The following SHROOM4 variants were observed in gnomAD, a reference collection of about 807,000 sequenced individuals.
SHROOM4 encodes protein Shroom4.
SHROOM4 carries 17 observed loss-of-function variants against 80.3 expected under a neutral mutation model. The ratio of observed to expected loss-of-function variants is 0.21; its 90% CI spans 0.14 to 0.32. The LOEUF (loss-of-function observed/expected upper bound fraction) is 0.32, where lower values mean the gene tolerates loss of function less well. Among genes scored for constraint, SHROOM4 ranks in the 10% least tolerant of loss-of-function variants. The pLI, the probability that SHROOM4 is intolerant of heterozygous loss-of-function variation, is 1.00. For synonymous variants in SHROOM4, 400 were observed against 437.5 expected (o/e 0.91, Z 1.07); for missense variants, 993 against 1,140.3 (o/e 0.87, Z 1.86).
rs782116746 is a variant in SHROOM4 at position 50,590,991 on chromosome X, G to T, written c.*5704C>A. On this transcript the variant is annotated 3_prime_UTR_variant, in exon 9 of 9. Transcript: ENST00000376020. Reference sequence around the variant, plus strand: ...ATTTCTTGTATCACTTGTGCAAATCGTCTTAACATTAGGAAGACTTATTAC... The same window carrying T: ...ATTTCTTGTATCACTTGTGCAAATCTTCTTAACATTAGGAAGACTTATTAC... Among the ~76,000 whole-genome samples the T allele has an allele frequency of 1.8e-5, 2 of 111,658 alleles. No homozygotes were observed. Among genetic ancestry groups the T allele is most frequent in the South Asian group, 7.5e-4 (2 of 2,671 alleles).
In SHROOM4 at chrX:50,598,482, C is replaced by T; in HGVS notation, c.3996G>A (p.Gln1332=). 8.3e-7 allele frequency: 1 copy of T among 1,207,167 alleles called. No individual in the cohort carries two copies. The highest frequency in any genetic ancestry group is 1.1e-6 in the Non-Finnish European group (1 of 893,117). ...CATTGATGTCCTCTAGCAGCCCTCG[C>T]TGGGCCTCCCGCAAGACAGAAAGTT... ...SRKLSVLREA[Q]RGLLEDINAN... is the part of the protein sequence containing the mutation. The change falls in exon 8 of 9, where the codon CAG becomes CAA. Residue 1332 remains glutamine (Q), a synonymous_variant. Coordinates refer to ENST00000376020, the MANE Select transcript of SHROOM4 (RefSeq NM_020717.5).
At chrX:50,698,331 C>CT (rs1491101379) in intron 1 of SHROOM4, among the ~76,000 whole-genome samples, 2 of 111,735 alleles carry the variant, frequency 1.8e-5, no homozygotes, top group South Asian at 3.8e-4. Context: ...GTTCATACCC[C>CT]TTTTTTCTGT....
At chrX:50,678,272 C>T (rs1179285176) in intron 2 of SHROOM4, among the ~76,000 whole-genome samples, 2 of 111,430 alleles carry the variant, frequency 1.8e-5, no homozygotes, top group Admixed American at 9.6e-5. Context: ...TCTAATTAAG[C>T]TCTGATCTAC....
intron 1 of SHROOM4, among the ~76,000 whole-genome samples, chrX:50,802,211 C>T (rs1019236359): frequency 8.9e-6 from 1 of 112,293 alleles, no homozygotes; most frequent in Non-Finnish European, 1.9e-5. Context: ...GTTCTACTAT[C>T]TTTGGGGCAT....
chrX:50,616,036 C>G (rs1930220426), intron 5 of SHROOM4, among the ~76,000 whole-genome samples: 1 of 111,894 alleles, frequency 8.9e-6, no homozygotes, highest in Admixed American at 9.4e-5. Context: ...TTGTCAATGC[C>G]GTCCTTAGCT....
chrX:50,792,199 T>C (rs1180600214), intron 1 of SHROOM4, among the ~76,000 whole-genome samples: 2 of 112,003 alleles, frequency 1.8e-5, no homozygotes, highest in Admixed American at 1.9e-4. Context: ...ACGAATCTTT[T>C]AACACAGTGA....
At chrX:50,628,495 G>A (rs935057334) in intron 4 of SHROOM4, among the ~76,000 whole-genome samples, 6 of 111,607 alleles carry the variant, frequency 5.4e-5, no homozygotes, top group Non-Finnish European at 1.1e-4. Context: ...GAGACTCAGA[G>A]TTTAGTTCAA....
At chrX:50,769,500 T>G (rs1484311498) in intron 1 of SHROOM4, among the ~76,000 whole-genome samples, 1 of 111,879 alleles carries the variant, frequency 8.9e-6, no homozygotes, top group Non-Finnish European at 1.9e-5. Flanking sequence ...GCTAGCAGAC[T>G]GGCAGGGCTA....
chrX:50,659,586 A>G (rs1402806213), intron 2 of SHROOM4, among the ~76,000 whole-genome samples: 3 of 112,001 alleles, frequency 2.7e-5, no homozygotes, highest in African/African-American at 9.7e-5. Context: ...TAGAAGGAAA[A>G]CCATTCACAT....
intron 1 of SHROOM4, among the ~76,000 whole-genome samples, chrX:50,755,543 G>A (rs781967872): frequency 2.3e-4 from 26 of 111,961 alleles, no homozygotes; most frequent in African/African-American, 7.5e-4. Flanking sequence ...CATAAGACAC[G>A]ACAAGTATCA....
intron 1 of SHROOM4, among the ~76,000 whole-genome samples, chrX:50,771,366 G>A (rs1228752396): frequency 8.9e-6 from 1 of 112,250 alleles, no homozygotes; most frequent in Non-Finnish European, 1.9e-5. Flanking sequence ...GCTGGAAGCA[G>A]CCATGTTTAA....
At chrX:50,627,590 C>A in intron 5 of SHROOM4, 24 bp downstream of exon 5, 1 of 1,198,715 alleles carries the variant, frequency 8.3e-7, no homozygotes, top group Non-Finnish European at 1.1e-6. Context: ...CCAACCCACC[C>A]CAACTCCCTG....
intron 2 of SHROOM4, among the ~76,000 whole-genome samples, chrX:50,642,268 A>C (rs782189436): frequency 1.8e-5 from 2 of 111,730 alleles, no homozygotes; most frequent in African/African-American, 3.3e-5. Context: ...TTCATGAGTT[A>C]TGTTTTGGAT....
At chrX:50,701,429 G>T (rs994551698) in intron 1 of SHROOM4, among the ~76,000 whole-genome samples, 1 of 111,619 alleles carries the variant, frequency 9.0e-6, no homozygotes, top group Non-Finnish European at 1.9e-5. Flanking sequence ...TAGCAGATAT[G>T]CTCACTGGGG....
intron 4 of SHROOM4, among the ~76,000 whole-genome samples, chrX:50,630,738 G>A (rs1437394839): frequency 9.0e-6 from 1 of 110,935 alleles, no homozygotes; most frequent in Non-Finnish European, 1.9e-5. Flanking sequence ...TTAAAATCCT[G>A]GTGCATTTTA....
intron 5 of SHROOM4, among the ~76,000 whole-genome samples, chrX:50,611,144 C>CTTTTTTTTTTTTTTTTTTTTTT (rs782473243): frequency 8.8e-5 from 6 of 68,209 alleles, no homozygotes; most frequent in African/African-American, 1.9e-4. Context: ...TTCTTTTTTT[C>CTTTTTTTTTTTTTTTTTTTTTT]TTTTTTTTTT....
At chrX:50,715,355 T>C (rs1464324683) in intron 1 of SHROOM4, among the ~76,000 whole-genome samples, 1 of 111,517 alleles carries the variant, frequency 9.0e-6, no homozygotes, top group East Asian at 2.8e-4. Flanking sequence ...CCAGCACCTA[T>C]GGGTGCTCAG....
intron 2 of SHROOM4, among the ~76,000 whole-genome samples, chrX:50,693,397 T>C (rs1328515255): frequency 9.2e-6 from 1 of 109,186 alleles, no homozygotes. Flanking sequence ...TGAAACTCCG[T>C]CTCTACTAAA....
intron 2 of SHROOM4, among the ~76,000 whole-genome samples, chrX:50,677,633 G>A (rs1557261434): frequency 3.6e-5 from 4 of 111,661 alleles, no homozygotes; most frequent in Non-Finnish European, 5.7e-5. Context: ...TATTAAGGCA[G>A]ACGTCCAACT....
Sources: allele counts gnomAD v4.1 joint callset (sites outside exome capture counted in the v4.1 genomes callset), GRCh38; gene constraint gnomAD v4.1.1; transcripts MANE v1.5; gene names NCBI Gene and HGNC (gene_info 2026-07-23, HGNC 2026-07-21).